Variants in ARHGAP26 observed in about 807,000 individuals in gnomAD.
ARHGAP26 encodes the protein rho GTPase-activating protein 26.
In ARHGAP26, 38 loss-of-function variants were observed where a neutral mutation model predicts 104.8. The ratio of observed to expected loss-of-function variants is 0.36; its 90% confidence interval spans 0.28 to 0.48. The LOEUF is 0.48. ARHGAP26 is among the 20% of genes least tolerant of loss of function. ARHGAP26 has a pLI of 0.99. For missense variants in ARHGAP26, 704 were observed against 947.9 expected (o/e 0.74, Z 3.38); for synonymous variants, 341 against 340.0 (o/e 1.00, Z -0.03).
intron 17 of ARHGAP26, among the ~76,000 whole-genome samples, chr5:143,116,960 C>T (rs1212141940): frequency 1.3e-5 from 2 of 152,318 alleles, no homozygotes; most frequent in South Asian, 2.1e-4. Context: ...GAAACTGGAT[C>T]TCTCCCAAGT....
rs543972605 is a variant in ARHGAP26, at chr5:142,982,555, T to G, written c.1108-31525T>G. 2.0e-5 allele frequency among the ~76,000 whole-genome samples: 3 copies of G among 152,268 alleles called. No individual in the cohort carries two copies. In the South Asian group the frequency reaches 6.2e-4, roughly 32 times the overall value. ...TGGCAGTCCTGTGGAATTGGCTGAA[T>G]AGCGGAAGGAAGGAATCTGAAAAGG... On this transcript the variant is annotated intron_variant, in intron 11 of 22. Transcript: ENST00000645722.
chr5:142,996,158 T>C (rs145266966), intron 11 of ARHGAP26, among the ~76,000 whole-genome samples: 1,773 of 152,230 alleles, frequency 0.012, 20 homozygotes, highest in African/African-American at 0.029. Flanking sequence ...ACCTGCACTT[T>C]CTGCACATGT....
intron 20 of ARHGAP26, among the ~76,000 whole-genome samples, chr5:143,184,302 C>G (rs78598378): frequency 0.034 from 5,206 of 152,208 alleles, 295 homozygotes; most frequent in African/African-American, 0.12. Context: ...TCAGGCCTCC[C>G]CCTAACCTGA....
intron 1 of ARHGAP26, among the ~76,000 whole-genome samples, chr5:142,864,776 C>T (rs892616377): frequency 2.6e-5 from 4 of 152,216 alleles, no homozygotes; most frequent in African/African-American, 9.6e-5. Flanking sequence ...CCACAACAGC[C>T]CTGTGAGGTA....
intron 20 of ARHGAP26, among the ~76,000 whole-genome samples, chr5:143,206,138 T>G (rs1402094239): frequency 1.3e-5 from 2 of 152,204 alleles, no homozygotes; most frequent in African/African-American, 4.8e-5. Context: ...GCCTGCTAAA[T>G]TGCAGTACGC....
intron 11 of ARHGAP26, among the ~76,000 whole-genome samples, chr5:142,943,982 A>C (rs1766748418): frequency 6.6e-6 from 1 of 152,182 alleles, no homozygotes. Context: ...ATTAAACAAA[A>C]ATCCTACTGG....
At chr5:142,805,106 CTTTTT>C (rs532679996) in intron 1 of ARHGAP26, among the ~76,000 whole-genome samples, 9 of 139,248 alleles carry the variant, frequency 6.5e-5, no homozygotes, top group Non-Finnish European at 9.4e-5. Flanking sequence ...CCTTTCTTTT[CTTTTT>C]TTTTTTTTTG....
At chr5:142,964,023 G>A (rs923697647) in intron 11 of ARHGAP26, among the ~76,000 whole-genome samples, 8 of 152,166 alleles carry the variant, frequency 5.3e-5, no homozygotes, top group Non-Finnish European at 7.3e-5. Context: ...TCAAGATAAA[G>A]CAAAGCTGAA....
chr5:142,959,875 G>A (rs1213550610), intron 11 of ARHGAP26, among the ~76,000 whole-genome samples: 1 of 152,248 alleles, frequency 6.6e-6, no homozygotes, highest in Non-Finnish European at 1.5e-5. Context: ...CATCTGACAA[G>A]TCTGGTGGCC....
intron 19 of ARHGAP26, among the ~76,000 whole-genome samples, chr5:143,146,222 G>A (rs1799138950): frequency 6.6e-6 from 1 of 152,138 alleles, no homozygotes; most frequent in East Asian, 1.9e-4. Context: ...GGTGGATGCT[G>A]GTACCATTTA....
intron 1 of ARHGAP26, among the ~76,000 whole-genome samples, chr5:142,833,416 A>G (rs1436528749): frequency 6.6e-6 from 1 of 152,006 alleles, no homozygotes; most frequent in Non-Finnish European, 1.5e-5. Flanking sequence ...GTACTTTTAA[A>G]TGTGTACTGT....
At chr5:142,836,933 A>G (rs759620746) in intron 1 of ARHGAP26, among the ~76,000 whole-genome samples, 3 of 152,224 alleles carry the variant, frequency 2.0e-5, no homozygotes, top group Non-Finnish European at 2.9e-5. Context: ...CCCAGGTGGT[A>G]CTGAGATCAG....
At chr5:142,839,407 T>C (rs1331943154) in intron 1 of ARHGAP26, among the ~76,000 whole-genome samples, 1 of 152,190 alleles carries the variant, frequency 6.6e-6, no homozygotes, top group East Asian at 1.9e-4. Flanking sequence ...GAAGCTAATG[T>C]ACAGAGCGGT....
chr5:142,975,079 C>T (rs1772867120), intron 11 of ARHGAP26, among the ~76,000 whole-genome samples: 1 of 152,196 alleles, frequency 6.6e-6, no homozygotes, highest in Admixed American at 6.5e-5. Context: ...CCCTCCCCTA[C>T]AGTTCTGAAA....
intron 11 of ARHGAP26, among the ~76,000 whole-genome samples, chr5:142,955,806 GC>G (rs1598383335): frequency 6.6e-6 from 1 of 152,158 alleles, no homozygotes; most frequent in African/African-American, 2.4e-5. Flanking sequence ...GGCCTCTTTG[GC>G]CAGGGTGCAT....
At chr5:143,211,750 G>A (rs1304534186) in intron 21 of ARHGAP26, among the ~76,000 whole-genome samples, 1 of 151,110 alleles carries the variant, frequency 6.6e-6, no homozygotes, top group Admixed American at 6.6e-5. Flanking sequence ...TTATTTTTTT[G>A]TAGAGATGGA....
intron 1 of ARHGAP26, among the ~76,000 whole-genome samples, chr5:142,816,535 C>T (rs1199277322): frequency 6.6e-6 from 1 of 152,254 alleles, no homozygotes; most frequent in South Asian, 2.1e-4. Flanking sequence ...ATGCCATGTG[C>T]GCCCTGGGCC....
intron 17 of ARHGAP26, 181 bp downstream of exon 17, chr5:143,057,928 T>C (rs1468298191): frequency 1.4e-6 from 1 of 709,170 alleles, no homozygotes; most frequent in East Asian, 2.8e-5. Context: ...AAATGCCAGA[T>C]GGCCTTCCCA....
intron 20 of ARHGAP26, among the ~76,000 whole-genome samples, chr5:143,189,471 G>C (rs1262564845): frequency 6.6e-6 from 1 of 152,042 alleles, no homozygotes; most frequent in African/African-American, 2.4e-5. Context: ...CTTGATTTTA[G>C]TTGATTTCAT....
Sources: allele counts gnomAD v4.1 joint callset (sites outside exome capture counted in the v4.1 genomes callset), GRCh38; gene constraint gnomAD v4.1.1; transcripts MANE v1.5; gene names NCBI Gene and HGNC (gene_info 2026-07-23, HGNC 2026-07-21).